Variants in PPP1R12C observed in about 807,000 individuals in gnomAD.
The protein encoded by PPP1R12C is protein phosphatase 1 regulatory subunit 12C.
Under a neutral mutation model 95.6 loss-of-function variants are expected in PPP1R12C, and 48 were observed. The ratio of observed to expected loss-of-function variants is 0.50; its 90% CI spans 0.40 to 0.64. PPP1R12C has a LOEUF of 0.64. Ranked by LOEUF, PPP1R12C falls within the 30% of genes least tolerant of loss-of-function variation. The pLI, the probability that PPP1R12C is intolerant of heterozygous loss-of-function variation, is 0.00. For synonymous variants in PPP1R12C, 480 were observed against 460.8 expected, an observed-to-expected ratio of 1.04 and a Z score of -0.53; for missense variants, 1,057 against 1,083.3, an observed-to-expected ratio of 0.98 and a Z score of 0.34.
chr19:55,112,510 C>T lies in PPP1R12C; in HGVS notation c.528G>A (p.Ser176=), dbSNP rs771618377. 23 of 1,613,170 alleles carry T rather than the reference C, an allele frequency of 1.4e-5. No individual in the cohort carries two copies. The highest frequency in any genetic ancestry group is 1.3e-4 in the South Asian group (12 of 91,070). ...CCTTCAGCAGCCCCTCCATGGCGTC[C>T]GACTCGGCCAGGTCCAGGGGCAGGT... The part of the protein sequence containing the change: ...DGDLPLDLAE[S]DAMEGLLKAE... Residue 176 remains serine, a synonymous_variant, in exon 3 of 22, where the codon TCG becomes TCA. Transcript: ENST00000263433.
intron 4 of PPP1R12C, among the ~76,000 whole-genome samples, chr19:55,102,049 A>G (rs2084985156): frequency 6.6e-6 from 1 of 152,328 alleles, no homozygotes; most frequent in East Asian, 1.9e-4. Context: ...ATAATAAAGT[A>G]TATGATCACA....
At chr19:55,113,376 T>C (rs2085118869) in intron 1 of PPP1R12C, 1 of 1,432,270 alleles carries the variant, frequency 7.0e-7, no homozygotes, top group Non-Finnish European at 9.2e-7. Context: ...CCCAGAGGGG[T>C]GAGACAGCTG....
chr19:55,103,019 T>A (rs2084995052), intron 4 of PPP1R12C, among the ~76,000 whole-genome samples: 1 of 151,852 alleles, frequency 6.6e-6, no homozygotes, highest in South Asian at 2.1e-4. Context: ...CTGGGCCACA[T>A]GGTGAAACCC....
At position 55,091,562 on chromosome 19, in the gene PPP1R12C, G is replaced by A. The variant is rs777656205; in HGVS notation, c.2263-4C>T. 1.9e-6 allele frequency: 3 copies of A among 1,613,448 alleles called. No individual in the cohort carries two copies. The highest frequency in any genetic ancestry group is 2.2e-5 in the South Asian group (2 of 91,080). On this transcript the variant is annotated splice_polypyrimidine_tract_variant and splice_region_variant and intron_variant, in intron 21 of 21. Coordinates refer to ENST00000263433, the MANE Select transcript of PPP1R12C (RefSeq NM_017607.4). ...CAGCGCGGAGGTCAGACAGGGCCTG[G>A]GGGACGGCAAGGGTCAGCTGGGCAG... is the stretch of plus-strand genomic sequence containing the variant.
intron 3 of PPP1R12C, among the ~76,000 whole-genome samples, chr19:55,103,995 CAA>C (rs35207330): frequency 2.5e-5 from 3 of 118,698 alleles, no homozygotes; most frequent in Admixed American, 9.1e-5. Context: ...ACTAAAACTA[CAA>C]AAAAAAAAAA....
Position 55,113,791 on chromosome 19 carries a change from G to A in PPP1R12C, c.322-996C>T, listed in dbSNP as rs867135956. 23 of 274,742 alleles carry A rather than the reference G, an allele frequency of 8.4e-5. No homozygotes were observed. In the East Asian group the frequency reaches 1.3e-3, roughly 15 times the overall value. 17.0% of individuals were successfully genotyped at this position (274,742 alleles called of 1,614,324 possible). ...CCTGGGAACGGGATGAACTCGGCTCGTTTATTTCCACCCAGTTGTCATGGC... is the reference window on the plus strand; with the variant it reads ...CCTGGGAACGGGATGAACTCGGCTCATTTATTTCCACCCAGTTGTCATGGC... On this transcript the variant is annotated intron_variant, in intron 1 of 21. Transcript: ENST00000263433.
At position 55,091,949 on chromosome 19, in the gene PPP1R12C, GC is replaced by G. The variant is rs762068984; in HGVS notation, c.2161-41del. The stretch of plus-strand genomic sequence containing the variant: ...GAAAGCACAGGGGTCAGCAGAAGAA[GC>G]CAGCACTGCTCTGAAGGGTCCTAGG... On this transcript the variant is annotated intron_variant, in intron 19 of 21. Coordinates refer to ENST00000263433, the MANE Select transcript of PPP1R12C (RefSeq NM_017607.4). 2.5e-6 allele frequency: 4 copies of G among 1,609,408 alleles called. No individual in the cohort carries two copies. In the South Asian group the frequency reaches 4.4e-5, roughly 18 times the overall value.
chr19:55,097,450 C>T (rs1277906588), intron 6 of PPP1R12C, among the ~76,000 whole-genome samples: 22 of 140,410 alleles, frequency 1.6e-4, no homozygotes, highest in Admixed American at 1.3e-3. Context: ...GCCCCTTCTC[C>T]GCGCAGTTCA....
intron 3 of PPP1R12C, chr19:55,111,998 G>A (rs1280251106): frequency 6.5e-6 from 1 of 153,734 alleles, no homozygotes; most frequent in Admixed American, 6.5e-5. Flanking sequence ...ACAGTTTCAG[G>A]GGCTCCTGGA....
At chr19:55,098,881 TCAGA>T in intron 5 of PPP1R12C, 23 bp from the exon 6 acceptor site, 2 of 1,612,942 alleles carry the variant, frequency 1.2e-6, no homozygotes, top group Non-Finnish European at 1.7e-6. Flanking sequence ...AGGAGCAGGA[TCAGA>T]CAATGAAGGA....
rs1355412764 is a variant in PPP1R12C at position 55,103,432 on chromosome 19, G to A, written c.708C>T (p.Ala236=). The change falls in exon 4 of 22, where the codon GCC becomes GCT. Residue 236 remains alanine (A), a synonymous_variant. Coordinates refer to ENST00000263433, the MANE Select transcript of PPP1R12C (RefSeq NM_017607.4). ...ACCTCATCACCTCAATGTAGCCCTT[G>A]GCAGCAGCCACGTGCAGGGCAGAGG... ...TGASALHVAA[A]KGYIEVMRLL... is the part of the protein sequence containing the mutation. 6.5e-7 allele frequency: 1 copy of A among 1,546,276 alleles called. No homozygotes were observed. The highest frequency in any genetic ancestry group is 8.8e-7 in the Non-Finnish European group (1 of 1,134,886).
chr19:55,116,263 G>C (rs1487819222), intron 1 of PPP1R12C, among the ~76,000 whole-genome samples: 1 of 151,760 alleles, frequency 6.6e-6, no homozygotes, highest in Non-Finnish European at 1.5e-5. Context: ...AGAAGGAAAA[G>C]GGAACCCAGC....
chr19:55,095,481 C>T lies in PPP1R12C; in HGVS notation c.1350G>A (p.Ser450=), dbSNP rs896941166. 7.0e-6 allele frequency: 11 copies of T among 1,564,926 alleles called. No homozygotes were observed. Among genetic ancestry groups the T allele is most frequent in the Admixed American group, 1.9e-5 (1 of 52,474 alleles). ...EGAPGAGLQR[S]ASSSWLEGTS... The stretch of plus-strand genomic sequence containing the variant: ...TCCCTTCCAGCCAGGAGGAGGAAGC[C>T]GAGCGCTGCAGCCCAGCCCCAGGGG... The change falls in exon 10 of 22, where the codon TCG becomes TCA. Residue 450 remains serine, a synonymous_variant. Coordinates refer to ENST00000263433, the MANE Select transcript of PPP1R12C (RefSeq NM_017607.4).
chr19:55,104,179 A>ATGT (rs34744793), intron 3 of PPP1R12C, among the ~76,000 whole-genome samples: 24 of 104,320 alleles, frequency 2.3e-4, no homozygotes, highest in African/African-American at 8.8e-4. Context: ...AAAAAAAAAA[A>ATGT]GTATATATAT....
At chr19:55,108,818 C>T (rs561017611) in intron 3 of PPP1R12C, among the ~76,000 whole-genome samples, 5 of 152,236 alleles carry the variant, frequency 3.3e-5, no homozygotes, top group Admixed American at 6.5e-5. Flanking sequence ...GTGATTCTCC[C>T]GCCTCAGCCT....
chr19:55,102,463 G>A (rs1299760361), intron 4 of PPP1R12C, among the ~76,000 whole-genome samples: 1 of 152,184 alleles, frequency 6.6e-6, no homozygotes, highest in Non-Finnish European at 1.5e-5. Context: ...AGTGAGCTAT[G>A]ATCACACCAC....
chr19:55,107,616 T>TG (rs1275591759), intron 3 of PPP1R12C, among the ~76,000 whole-genome samples: 1 of 147,506 alleles, frequency 6.8e-6, no homozygotes, highest in African/African-American at 2.5e-5. Context: ...AACCAAACAC[T>TG]GCATGTTGTC....
chr19:55,096,088 G>A lies in PPP1R12C; in HGVS notation c.1116C>T (p.Pro372=), dbSNP rs1407061796. ...ERRPGGAGGP[P]IQDEDEGEEG... Reference sequence around the variant, plus strand: ...CTTCCCCCTCATCCTCGTCCTGGATGGGGGGCCCCCCAGCCCCACCAGGCC... The same window carrying A: ...CTTCCCCCTCATCCTCGTCCTGGATAGGGGGCCCCCCAGCCCCACCAGGCC... Residue 372 remains proline (P), a synonymous_variant, in exon 8 of 22, where the codon CCC becomes CCT. Transcript: ENST00000263433. 14 of 1,602,780 alleles carry A rather than the reference G, an allele frequency of 8.7e-6. No individual in the cohort carries two copies. Among genetic ancestry groups the A allele is most frequent in the Non-Finnish European group, 1.2e-5 (14 of 1,175,936 alleles).
chr19:55,093,319 C>T (rs1215375291), intron 13 of PPP1R12C, 86 bp from the exon 14 acceptor site: 2 of 445,894 alleles, frequency 4.5e-6, no homozygotes, highest in Admixed American at 8.5e-5. Flanking sequence ...GGCCCCAGCC[C>T]CTCCTCCCTC....
Sources: allele counts gnomAD v4.1 joint callset (sites outside exome capture counted in the v4.1 genomes callset), GRCh38; gene constraint gnomAD v4.1.1; transcripts MANE v1.5; gene names NCBI Gene and HGNC (gene_info 2026-07-23, HGNC 2026-07-21).